TEX9: variants seen among roughly 807,000 people sequenced by gnomAD.
The protein encoded by TEX9 is testis-expressed protein 9.
TEX9 carries 74 observed loss-of-function variants against 59.6 expected under a neutral mutation model. The ratio of observed to expected loss-of-function variants is 1.24; its 90% CI spans 1.03 to 1.51. The LOEUF is 1.51. TEX9 is among the 40% of genes most tolerant of loss of function. The pLI is 0.00. For synonymous variants in TEX9, 186 were observed against 152.2 expected, an observed-to-expected ratio of 1.22 and a Z score of -1.64; for missense variants, 522 against 447.8, an observed-to-expected ratio of 1.17 and a Z score of -1.49.
At chr15:56,345,158 C>G (rs1353506976) in intron 1 of TEX9, among the ~76,000 whole-genome samples, 1 of 150,458 alleles carries the variant, frequency 6.6e-6, no homozygotes, top group Non-Finnish European at 1.5e-5. Flanking sequence ...TGCAGATATT[C>G]TGGGAGAGCT....
chr15:56,341,199 A>G lies in TEX9; in HGVS notation c.-106-32242A>G, dbSNP rs561196266. 7.3e-5 allele frequency among the ~76,000 whole-genome samples: 11 copies of G among 151,696 alleles called. No individual in the cohort carries two copies. In the East Asian group the frequency reaches 1.9e-3, roughly 27 times the overall value. Reference sequence around the variant, plus strand: ...TTTGAATTGATGAGCAATCACATTTAGCCTTTTTTTTCCTTCTCTTCAAAG... The same window carrying G: ...TTTGAATTGATGAGCAATCACATTTGGCCTTTTTTTTCCTTCTCTTCAAAG... On this transcript the variant is annotated intron_variant, in intron 1 of 5. Transcript: ENST00000560827.
intron 1 of TEX9, chr15:56,323,300 G>A: frequency 4.7e-6 from 1 of 213,168 alleles, no homozygotes; most frequent in Non-Finnish European, 1.0e-5. Flanking sequence ...TTGAAGATAT[G>A]GCAAAGGTGG....
chr15:56,431,583 TAGATA>T, intron 12 of TEX9: 1 of 1,360,228 alleles, frequency 7.4e-7, no homozygotes, highest in Non-Finnish European at 1.0e-6. Flanking sequence ...TGCAATGAAT[TAGATA>T]AAATTGATGA....
intron 4 of TEX9, among the ~76,000 whole-genome samples, chr15:56,386,403 A>G (rs2047962303): frequency 6.6e-6 from 1 of 151,972 alleles, no homozygotes; most frequent in Non-Finnish European, 1.5e-5. Flanking sequence ...TATATGTAAA[A>G]AGAGTATATT....
At chr15:56,414,859 A>AGT (rs2049592489) in intron 10 of TEX9, among the ~76,000 whole-genome samples, 1 of 151,768 alleles carries the variant, frequency 6.6e-6, no homozygotes, top group Non-Finnish European at 1.5e-5. Context: ...ACTCCCACCA[A>AGT]GTGTATAAGT....
At chr15:56,429,438 A>G (rs147756291) in intron 12 of TEX9, 11 of 357,846 alleles carry the variant, frequency 3.1e-5, no homozygotes, top group African/African-American at 2.4e-4. Context: ...TTTCATAGGA[A>G]TCTGAGCTCT....
At chr15:56,434,023 A>G in intron 12 of TEX9, 2 of 1,178,294 alleles carry the variant, frequency 1.7e-6, no homozygotes, top group Non-Finnish European at 2.4e-6. Flanking sequence ...ATATATTAGT[A>G]AACATACTAA....
chr15:56,365,345 C>G, upstream of TEX9: 7 of 1,442,522 alleles, frequency 4.9e-6, no homozygotes, highest in Non-Finnish European at 6.5e-6. Context: ...AGCACAGAAC[C>G]TGAGAGTGGG....
chr15:56,367,749 A>C (rs1338563389), intron 2 of TEX9, among the ~76,000 whole-genome samples: 1 of 152,198 alleles, frequency 6.6e-6, no homozygotes, highest in Non-Finnish European at 1.5e-5. Flanking sequence ...TACTACATAA[A>C]ATTCTTGCGT....
chr15:56,389,880 G>T (rs1255808856), intron 6 of TEX9, among the ~76,000 whole-genome samples: 3 of 151,806 alleles, frequency 2.0e-5, no homozygotes, highest in African/African-American at 4.8e-5. Context: ...ATTCAAGACG[G>T]TTCTTAGTAT....
At chr15:56,353,809 T>C (rs1328145821) in intron 1 of TEX9, among the ~76,000 whole-genome samples, 1 of 152,204 alleles carries the variant, frequency 6.6e-6, no homozygotes, top group Non-Finnish European at 1.5e-5. Context: ...AAACATATTG[T>C]TGAGAGTAAT....
chr15:56,362,867 G>C (rs1203385537), upstream of TEX9, among the ~76,000 whole-genome samples: 1 of 152,112 alleles, frequency 6.6e-6, no homozygotes. Flanking sequence ...TTTGTGAATG[G>C]CTTCTTTCAC....
chr15:56,286,547 C>G (rs1453647848), intron 1 of TEX9, among the ~76,000 whole-genome samples: 1 of 152,156 alleles, frequency 6.6e-6, no homozygotes, highest in Non-Finnish European at 1.5e-5. Flanking sequence ...CAGCAGAGCA[C>G]ATCTAGAATT....
rs568891591 is a variant in TEX9, at chr15:56,402,834, A to G, written c.828+8000A>G. 5.3e-5 allele frequency among the ~76,000 whole-genome samples: 8 copies of G among 152,304 alleles called. No homozygotes were observed. In the East Asian group the frequency reaches 1.3e-3, roughly 26 times the overall value. ...GTTGAACAAGGCTGGTTCAACATAC[A>G]CAAATCAATAAATGTAATCCATCAC... On this transcript the variant is annotated intron_variant, in intron 9 of 12. Coordinates refer to ENST00000352903, the Ensembl canonical transcript of TEX9.
At chr15:56,428,610 C>G (rs1019797231) in intron 12 of TEX9, 3 of 501,830 alleles carry the variant, frequency 6.0e-6, no homozygotes, top group Non-Finnish European at 7.0e-6. Context: ...GCTATTAGCT[C>G]TTTTTGAGTT....
chr15:56,346,125 C>T (rs116811174), intron 1 of TEX9, among the ~76,000 whole-genome samples: 3,585 of 152,218 alleles, frequency 0.024, 148 homozygotes, highest in African/African-American at 0.081. Context: ...TAACCAACCA[C>T]AATAAATACT....
intron 1 of TEX9, among the ~76,000 whole-genome samples, chr15:56,290,518 G>A (rs2045064062): frequency 1.3e-5 from 2 of 152,002 alleles, no homozygotes; most frequent in Admixed American, 1.3e-4. Flanking sequence ...GTGCAATCAT[G>A]GCTCACTGCA....
At chr15:56,323,145 C>A in intron 1 of TEX9, 1 of 216,294 alleles carries the variant, frequency 4.6e-6, no homozygotes, top group Non-Finnish European at 9.8e-6. Context: ...AGCTGAGAAT[C>A]AAAATGTCCT....
the TEX9 span, among the ~76,000 whole-genome samples, chr15:56,457,935 A>G: frequency 9.2e-5 from 14 of 152,286 alleles, no homozygotes; most frequent in South Asian, 2.9e-3. Flanking sequence ...TTTACAGCAG[A>G]TTTATTCATA....
Sources: gnomAD v4.1 joint callset for allele counts (sites outside exome capture counted in the v4.1 genomes callset) on GRCh38, gnomAD v4.1.1 for gene constraint, MANE v1.5 for transcripts, NCBI Gene and HGNC (gene_info 2026-07-23, HGNC 2026-07-21) for gene names.